The following NRXN3 variants were observed in gnomAD, a reference collection of about 807,000 sequenced individuals.
The protein encoded by NRXN3 is neurexin 3.
NRXN3 carries 32 observed loss-of-function variants against 137.6 expected under a neutral mutation model. The observed-to-expected ratio is 0.23, with a 90% CI of 0.18 to 0.31. The LOEUF is 0.31. Among genes scored for constraint, NRXN3 ranks in the 10% least tolerant of loss-of-function variants. The probability of loss-of-function intolerance (pLI) is 1.00; values close to 1 mark genes in which losing one functional copy is unlikely to be tolerated. For missense variants in NRXN3, 1,574 were observed against 2,062.5 expected (o/e 0.76, Z 4.59); for synonymous variants, 798 against 784.5 (o/e 1.02, Z -0.29).
intron 19 of NRXN3, among the ~76,000 whole-genome samples, chr14:79,783,504 T>C (rs115558410): frequency 2.4e-3 from 362 of 152,324 alleles, no homozygotes; most frequent in African/African-American, 8.5e-3. Context: ...CCCATTGCTG[T>C]ATTGCCTAGA....
chr14:78,299,791 A>G (rs752980896), intron 4 of NRXN3, among the ~76,000 whole-genome samples: 12 of 152,216 alleles, frequency 7.9e-5, no homozygotes, highest in Non-Finnish European at 1.6e-4. Flanking sequence ...CTCCGGGGGA[A>G]TAAGTCTGGT....
intron 15 of NRXN3, among the ~76,000 whole-genome samples, chr14:79,237,155 C>T (rs553237632): frequency 6.6e-6 from 1 of 151,428 alleles, no homozygotes; most frequent in East Asian, 1.9e-4. Context: ...CAACTTATGT[C>T]TCAACATTTT....
At chr14:79,740,426 CCTTCCTGGCT>C (rs1433943683) in intron 19 of NRXN3, among the ~76,000 whole-genome samples, 1 of 151,870 alleles carries the variant, frequency 6.6e-6, no homozygotes, top group African/African-American at 2.4e-5. Flanking sequence ...TCTGAGTCTG[CCTTCCTGGCT>C]CTTCACAATG....
chr14:79,631,362 C>T (rs1285909475), intron 16 of NRXN3, among the ~76,000 whole-genome samples: 1 of 152,270 alleles, frequency 6.6e-6, no homozygotes, highest in East Asian at 1.9e-4. Flanking sequence ...TCTGGCTGCG[C>T]TGGAAGAGCC....
At chr14:79,307,774 C>CTCTCTCTT (rs1197093714) in intron 15 of NRXN3, among the ~76,000 whole-genome samples, 2 of 152,060 alleles carry the variant, frequency 1.3e-5, no homozygotes, top group African/African-American at 4.8e-5. Context: ...CTTTCTCTCT[C>CTCTCTCTT]TCTCTCTTTC....
At chr14:79,008,876 C>T (rs2152384052) in intron 15 of NRXN3, among the ~76,000 whole-genome samples, 1 of 152,224 alleles carries the variant, frequency 6.6e-6, no homozygotes, top group East Asian at 1.9e-4. Flanking sequence ...CCAGGCTGGT[C>T]TTGAACTCCT....
At chr14:78,943,621 A>ATATAT (rs1273522171) in intron 10 of NRXN3, among the ~76,000 whole-genome samples, 1 of 27,866 alleles carries the variant, frequency 3.6e-5, no homozygotes, top group Non-Finnish European at 6.1e-5. Context: ...AAAAAAAAAA[A>ATATAT]ATATATATAT....
At chr14:78,966,456 G>A in intron 12 of NRXN3, 50 bp downstream of exon 12, 1 of 1,550,346 alleles carries the variant, frequency 6.5e-7, no homozygotes, top group Non-Finnish European at 8.7e-7. Context: ...ATCTACTGAA[G>A]CTCTACGTAA....
At chr14:79,027,916 ACAT>A (rs1465868011) in intron 15 of NRXN3, among the ~76,000 whole-genome samples, 3 of 152,168 alleles carry the variant, frequency 2.0e-5, no homozygotes, top group Non-Finnish European at 4.4e-5. Context: ...GTAGTCTAGA[ACAT>A]AAGCTTTTGG....
At chr14:79,269,747 A>G (rs2079022829) in intron 15 of NRXN3, among the ~76,000 whole-genome samples, 1 of 152,162 alleles carries the variant, frequency 6.6e-6, no homozygotes, top group African/African-American at 2.4e-5. Flanking sequence ...CACCAGAGGA[A>G]AATGCCCTCT....
intron 10 of NRXN3, among the ~76,000 whole-genome samples, chr14:78,898,075 C>CTGAAAATGA (rs1208644523): frequency 6.6e-6 from 1 of 151,856 alleles, no homozygotes; most frequent in Non-Finnish European, 1.5e-5. Flanking sequence ...TGCAAAAATA[C>CTGAAAATGA]TGAAAATGAG....
chr14:78,659,047 T>C (rs1434551735), intron 6 of NRXN3, among the ~76,000 whole-genome samples: 2 of 152,166 alleles, frequency 1.3e-5, no homozygotes, highest in Non-Finnish European at 2.9e-5. Context: ...TTTGTGACTG[T>C]TTTTGAAGAT....
intron 10 of NRXN3, among the ~76,000 whole-genome samples, chr14:78,819,763 G>A (rs2098945240): frequency 6.6e-6 from 1 of 152,142 alleles, no homozygotes; most frequent in Non-Finnish European, 1.5e-5. Context: ...TTGAGCTACA[G>A]CTCATAAATA....
chr14:78,235,042 G>T (rs369435651), intron 1 of NRXN3, among the ~76,000 whole-genome samples: 2 of 66,754 alleles, frequency 3.0e-5, no homozygotes, highest in South Asian at 5.2e-4. Context: ...ATATATGTGT[G>T]TGTGTGTGTG....
At chr14:79,162,026 A>G (rs1367930353) in intron 15 of NRXN3, among the ~76,000 whole-genome samples, 3 of 151,882 alleles carry the variant, frequency 2.0e-5, no homozygotes, top group African/African-American at 4.8e-5. Flanking sequence ...TCAAGACAGT[A>G]ACTTTCAAAG....
chr14:78,772,928 T>C (rs1250141784), intron 8 of NRXN3, among the ~76,000 whole-genome samples: 1 of 152,268 alleles, frequency 6.6e-6, no homozygotes, highest in East Asian at 1.9e-4. Flanking sequence ...CTTTTCCCTG[T>C]AAACTTTAGT....
chr14:78,587,015 A>G (rs2097070713), intron 4 of NRXN3, among the ~76,000 whole-genome samples: 1 of 152,152 alleles, frequency 6.6e-6, no homozygotes, highest in African/African-American at 2.4e-5. Context: ...AACAGTCTTG[A>G]ATGAGAAGCT....
chr14:79,567,188 C>G (rs1404980900), intron 16 of NRXN3, among the ~76,000 whole-genome samples: 2 of 150,884 alleles, frequency 1.3e-5, no homozygotes, highest in Non-Finnish European at 2.9e-5. Context: ...ATTTTTTGAC[C>G]CTTGAATGAC....
At chr14:79,442,947 T>C (rs1032406027) in intron 15 of NRXN3, among the ~76,000 whole-genome samples, 1 of 152,092 alleles carries the variant, frequency 6.6e-6, no homozygotes, top group African/African-American at 2.4e-5. Context: ...ATCCTCCCGA[T>C]GGGGAGAGAA....
Sources: gnomAD v4.1 joint callset for allele counts (sites outside exome capture counted in the v4.1 genomes callset) on GRCh38, gnomAD v4.1.1 for gene constraint, MANE v1.5 for transcripts, NCBI Gene and HGNC (gene_info 2026-07-23, HGNC 2026-07-21) for gene names.